Variants in MST1 observed in about 807,000 individuals in gnomAD.
MST1 encodes the protein macrophage stimulating 1, also known as hepatocyte growth factor-like protein.
In MST1, 76 loss-of-function variants were observed where a neutral mutation model predicts 100.1. That is an observed-to-expected ratio of 0.76 (90% CI 0.63 to 0.92). MST1 has a LOEUF of 0.92. MST1 is among the 40% of genes least tolerant of loss of function. The pLI, the probability that MST1 is intolerant of heterozygous loss-of-function variation, is 0.00. For missense variants in MST1, 850 were observed against 990.0 expected, an observed-to-expected ratio of 0.86 and a Z score of 1.90; for synonymous variants, 352 against 385.4, an observed-to-expected ratio of 0.91 and a Z score of 1.01.
intron 17 of MST1, 36 bp downstream of exon 17, chr3:49,684,278 A>T (rs780380754): frequency 2.4e-5 from 38 of 1,611,454 alleles, no homozygotes; most frequent in Non-Finnish European, 3.0e-5. Context: ...AGCCCCCCAT[A>T]CCCTTCCAGG....
At chr3:49,684,264 T>C in intron 17 of MST1, 50 bp downstream of exon 17, 1 of 1,610,268 alleles carries the variant, frequency 6.2e-7, no homozygotes, top group Non-Finnish European at 8.5e-7. Context: ...AATAGTTCAT[T>C]TCTAGCCCCC....
At chr3:49,685,821 G>C (rs1268117199) in intron 10 of MST1, 39 bp downstream of exon 10, 1 of 1,612,430 alleles carries the variant, frequency 6.2e-7, no homozygotes, top group African/African-American at 1.3e-5. Context: ...CCGCCCCAGG[G>C]TTAGGGCCCT....
In MST1 at chr3:49,686,119, T is replaced by A; in HGVS notation, c.1090A>T (p.Met364Leu). 1 of 1,611,086 alleles carries A rather than the reference T, an allele frequency of 6.2e-7. No homozygotes were observed. Among genetic ancestry groups the A allele is most frequent in the African/African-American group, 1.3e-5 (1 of 74,936 alleles). ...APWCFTLRPG[M>L]RAAFCYQIRR... ...ATCTGGTAGCAAAAGGCCGCGCGCA[T>A]GCCGGGCCGCAGTGTGAAGCACCAG... The change falls in exon 9 of 18, where the codon ATG (methionine) becomes TTG (leucine). Residue 364 changes from methionine to leucine, a missense_variant. Coordinates refer to ENST00000449682, the MANE Select transcript of MST1 (RefSeq NM_020998.4).
In MST1 at chr3:49,684,998, C is replaced by G; in HGVS notation, c.1622+14G>C. 1 of 1,612,506 alleles carries G rather than the reference C, an allele frequency of 6.2e-7. No individual in the cohort carries two copies. Among genetic ancestry groups the G allele is most frequent in the Non-Finnish European group, 8.5e-7 (1 of 1,179,448 alleles). On this transcript the variant is annotated intron_variant, in intron 14 of 17. Coordinates refer to ENST00000449682, the MANE Select transcript of MST1 (RefSeq NM_020998.4). Reference sequence around the variant, plus strand: ...TGGGATGAGACTGGGTCCCCAAACACAAGGGAGGCTCACCAGGAGGAGAAG... The same window carrying G: ...TGGGATGAGACTGGGTCCCCAAACAGAAGGGAGGCTCACCAGGAGGAGAAG...
rs1195392621 is a variant in MST1 at position 49,687,180 on chromosome 3, G to A, written c.576C>T (p.Phe192=). The change falls in exon 5 of 18, where the codon TTC becomes TTT. Residue 192 remains phenylalanine, a synonymous_variant. Coordinates refer to ENST00000449682, the MANE Select transcript of MST1 (RefSeq NM_020998.4). ...WCYTTDPAVR[F]QSCGIKSCRE... ...GGCAGGATTTGATGCCGCAGCTCTGGAAGCGCACAGCAGGGTCTGTTGTGT... is the reference window on the plus strand; with the variant it reads ...GGCAGGATTTGATGCCGCAGCTCTGAAAGCGCACAGCAGGGTCTGTTGTGT... 6.2e-7 allele frequency: 1 copy of A among 1,613,202 alleles called. No individual in the cohort carries two copies. The highest frequency in any genetic ancestry group is 8.5e-7 in the Non-Finnish European group (1 of 1,179,888).
chr3:49,684,349 T>G lies in MST1; in HGVS notation c.1981A>C (p.Thr661Pro). Residue 661 changes from threonine to proline, a missense_variant, in exon 17 of 18, where the codon ACT becomes CCT. This residue lies in a region of MST1 where 816 missense variants were observed against 924.6 expected (regional missense o/e 0.88). Coordinates refer to ENST00000449682, the MANE Select transcript of MST1 (RefSeq NM_020998.4). ...CCCACAGGGGCCAACAGTCCCTCAG[T>G]GCACATCTCACTCTCCCGCACACGT... ...RGRVRESEMC[T>P]EGLLAPVGAC... The G allele has an allele frequency of 1.2e-6, 2 of 1,613,236 alleles. No individual in the cohort carries two copies. Among genetic ancestry groups the G allele is most frequent in the Non-Finnish European group, 1.7e-6 (2 of 1,179,872 alleles).
In MST1 at chr3:49,687,297, G is replaced by T; in HGVS notation, c.471-12C>A. The T allele has an allele frequency of 6.2e-7, 1 of 1,613,508 alleles. No individual in the cohort carries two copies. On this transcript the variant is annotated splice_polypyrimidine_tract_variant and intron_variant, in intron 4 of 17. Coordinates refer to ENST00000449682, the MANE Select transcript of MST1 (RefSeq NM_020998.4). ...GAGTGGGCGTGTACCTGAGGGCCCA[G>T]AGCATCACTATAGTGTGTGCTGGGG...
chr3:49,688,025 A>G, intron 1 of MST1, 128 bp from the exon 2 acceptor site: 1 of 1,356,494 alleles, frequency 7.4e-7, no homozygotes, highest in Non-Finnish European at 1.0e-6. Flanking sequence ...CCCTGTATGC[A>G]CTTTCAAGGG....
intron 10 of MST1, 30 bp downstream of exon 10, chr3:49,685,830 C>T (rs2108145885): frequency 4.3e-6 from 7 of 1,612,276 alleles, no homozygotes; most frequent in Non-Finnish European, 5.1e-6. Context: ...GGTTAGGGCC[C>T]TGGCGGGGCC....
intron 7 of MST1, 25 bp downstream of exon 7, chr3:49,686,659 C>T (rs1407398520): frequency 1.3e-6 from 2 of 1,549,622 alleles, no homozygotes; most frequent in Admixed American, 3.9e-5. Context: ...CAGGTACCCT[C>T]CCAGGCCTGG....
rs1472721944 is a variant in MST1, at chr3:49,688,363, C to T, written c.94+235G>A. On this transcript the variant is annotated intron_variant, in intron 1 of 17. Coordinates refer to ENST00000449682, the MANE Select transcript of MST1 (RefSeq NM_020998.4). The stretch of plus-strand genomic sequence containing the variant: ...AGGAGGGGTCACTGCCTGCTGTGTG[C>T]GTGCATCTGTGTGGTCCTGACACTG... 6.6e-5 allele frequency: 36 copies of T among 544,088 alleles called. No homozygotes were observed. The Middle Eastern group carries it at 1.5e-3, about 23-fold the overall frequency. The allele number at this position is 544,088 out of a possible 1,614,324, so 33.7% of individuals were successfully genotyped here. A position where few individuals can be genotyped will look rare whatever the true frequency, so the allele number is the denominator to read the frequency against.
At position 49,684,079 on chromosome 3, in the gene MST1, C is replaced by G; in HGVS notation, c.2127G>C (p.Thr709=). The G allele has an allele frequency of 6.2e-7, 1 of 1,613,686 alleles. No individual in the cohort carries two copies. The change falls in exon 18 of 18, where the codon ACG becomes ACC. Residue 709 remains threonine (T), a synonymous_variant. Coordinates refer to ENST00000449682, the MANE Select transcript of MST1 (RefSeq NM_020998.4). ...CARSRWPAVF[T]RVSVFVDWIH... ...TCCAGTCCACAAACACAGAGACACGCGTGAAGACAGCTGGCCAGCGGGACC... is the reference window on the plus strand; with the variant it reads ...TCCAGTCCACAAACACAGAGACACGGGTGAAGACAGCTGGCCAGCGGGACC...
rs2108156964 is a variant in MST1, at chr3:49,687,388, C to A, written c.446G>T (p.Ser149Ile). 6.2e-7 allele frequency: 1 copy of A among 1,613,530 alleles called. No individual in the cohort carries two copies. The highest frequency in any genetic ancestry group is 2.2e-5 in the East Asian group (1 of 44,884). Residue 149 changes from serine to isoleucine, a missense_variant, in exon 4 of 18, where the codon AGC (serine) becomes ATC (isoleucine). Ser to Ile is a moderately radical substitution (Grantham distance 142). Coordinates refer to ENST00000449682, the MANE Select transcript of MST1 (RefSeq NM_020998.4). Reference sequence around the variant, plus strand: ...CTTGTGATCATTTGGGAACTTGTGGCTCCAAGCCTGGCAGGGCAGGCCACC... The same window carrying A: ...CTTGTGATCATTTGGGAACTTGTGGATCCAAGCCTGGCAGGGCAGGCCACC... Reference protein sequence around the residue: ...TVGGLPCQAWSHKFPNDHKYT... With the variant: ...TVGGLPCQAWIHKFPNDHKYT...
rs552761128 is a variant in MST1, at chr3:49,684,944, T to A, written c.1623-60A>T. On this transcript the variant is annotated intron_variant, in intron 14 of 17. Coordinates refer to ENST00000449682, the MANE Select transcript of MST1 (RefSeq NM_020998.4). Reference sequence around the variant, plus strand: ...CTCAGTCCATTGCCCCAAGGCTCACTTGTTAGCTTGCCTGGGGAAGGGGGA... The same window carrying A: ...CTCAGTCCATTGCCCCAAGGCTCACATGTTAGCTTGCCTGGGGAAGGGGGA... 72 of 1,613,484 alleles carry A rather than the reference T, an allele frequency of 4.5e-5. No individual in the cohort carries two copies. The South Asian group carries it at 7.0e-4, about 16-fold the overall frequency.
chr3:49,686,590 C>T (rs2053777990), intron 7 of MST1, 94 bp downstream of exon 7: 3 of 1,552,410 alleles, frequency 1.9e-6, no homozygotes, highest in Non-Finnish European at 2.6e-6. Flanking sequence ...GGTATGCTCT[C>T]AGGTCACGCC....
chr3:49,685,635 G>A lies in MST1; in HGVS notation c.1348C>T (p.Pro450Ser). 2 of 1,613,416 alleles carry A rather than the reference G, an allele frequency of 1.2e-6. No individual in the cohort carries two copies. Among genetic ancestry groups the A allele is most frequent in the African/African-American group, 1.3e-5 (1 of 75,044 alleles). The change falls in exon 11 of 18, where the codon CCA (proline) becomes TCA (serine). Residue 450 changes from proline to serine, a missense_variant. By Grantham distance (74) the Pro-to-Ser change is moderately conservative. Transcript: ENST00000449682. ...SHGPWCYTMD[P>S]RTPFDYCALR... ...GCACAGTAGTCGAATGGGGTCCTTG[G>A]GTCCATCGTGTAGCACCAGGGCCCA...
intron 6 of MST1, 21 bp from the exon 7 acceptor site, chr3:49,686,823 T>G: frequency 6.2e-7 from 1 of 1,612,606 alleles, no homozygotes; most frequent in Non-Finnish European, 8.5e-7. Flanking sequence ...TAATGGGGCG[T>G]GAACAAGACC....
At chr3:49,688,327 A>G (rs2053974447) in intron 1 of MST1, 3 of 506,572 alleles carry the variant, frequency 5.9e-6, no homozygotes, top group Non-Finnish European at 1.1e-5. Context: ...TTAGAGGGGT[A>G]GATCAGGCTC....
In MST1 at chr3:49,687,468, C is replaced by T. The variant is rs1393912692; in HGVS notation, c.366G>A (p.Arg122=). ...CDLFQKKDYV[R]TCIMNNGVGY... The stretch of plus-strand genomic sequence containing the variant: ...CAACCCCATTGTTCATGATGCAGGT[C>T]CGTACGTAGTCTGGGAGCAAGAGAC... Residue 122 remains arginine (R), a synonymous_variant, in exon 4 of 18, where the codon CGG becomes CGA. Coordinates refer to ENST00000449682, the MANE Select transcript of MST1 (RefSeq NM_020998.4). 6.2e-7 allele frequency: 1 copy of T among 1,613,460 alleles called. No individual in the cohort carries two copies. Among genetic ancestry groups the T allele is most frequent in the Non-Finnish European group, 8.5e-7 (1 of 1,179,868 alleles).
Sources: gnomAD v4.1 joint callset for allele counts on GRCh38, gnomAD v4.1.1 for gene constraint, gnomAD v4.1.1 regional missense constraint, MANE v1.5 for transcripts, NCBI Gene and HGNC (gene_info 2026-07-23, HGNC 2026-07-21) for gene names.